The following DAB1 variants were observed in gnomAD, a reference collection of about 807,000 sequenced individuals.
The protein encoded by DAB1 is DAB adaptor protein 1.
DAB1 carries 15 observed loss-of-function variants against 64.6 expected under a neutral mutation model. The observed-to-expected ratio is 0.23, with a 90% CI of 0.16 to 0.36. The LOEUF (loss-of-function observed/expected upper bound fraction) is 0.36. Ranked by LOEUF, DAB1 falls within the 10% of genes least tolerant of loss-of-function variation. The pLI, the probability that DAB1 is intolerant of heterozygous loss-of-function variation, is 1.00. For synonymous variants in DAB1, 235 were observed against 251.9 expected (o/e 0.93, Z 0.64); for missense variants, 596 against 706.7 (o/e 0.84, Z 1.78).
At chr1:57,021,240 G>A (rs990313807) in intron 11 of DAB1, among the ~76,000 whole-genome samples, 6 of 152,202 alleles carry the variant, frequency 3.9e-5, no homozygotes, top group African/African-American at 1.4e-4. Flanking sequence ...ATATGTGGAA[G>A]TGGCTTGTCC....
chr1:57,577,504 A>G (rs1461181485), intron 7 of DAB1, among the ~76,000 whole-genome samples: 1 of 152,182 alleles, frequency 6.6e-6, no homozygotes, highest in East Asian at 1.9e-4. Flanking sequence ...AACACTAAAA[A>G]TTCATTTTAT....
Position 57,782,994 on chromosome 1 carries a change from C to CCTCT in DAB1, n.551+101004_551+101005insAGAG, listed in dbSNP as rs1165451893. ...TCTTTCCTCCCTCCCTCCCTCCCTC[C>CCTCT]CTCCTTCCTTCCTTCCTTCCTCTTC... On this transcript the variant is annotated intron_variant and non_coding_transcript_variant, in intron 6 of 20. Transcript: ENST00000485760. 2.1e-5 allele frequency among the ~76,000 whole-genome samples: 3 copies of CCTCT among 145,704 alleles called. No homozygotes were observed. In the Admixed American group the frequency reaches 2.1e-4, roughly 10 times the overall value.
chr1:57,392,470 GTCATGCAC>G (rs1682462901), intron 1 of DAB1, among the ~76,000 whole-genome samples: 1 of 152,202 alleles, frequency 6.6e-6, no homozygotes, highest in African/African-American at 2.4e-5. Flanking sequence ...TGGTTGAGCA[GTCATGCAC>G]TGTGCTAGGT....
At chr1:57,044,682 C>T (rs550000420) in intron 9 of DAB1, among the ~76,000 whole-genome samples, 18 of 152,114 alleles carry the variant, frequency 1.2e-4, no homozygotes, top group Middle Eastern at 3.2e-3. Context: ...TATGAAAAAC[C>T]TTTTTAATTA....
At chr1:57,111,367 T>C (rs538611862) in intron 4 of DAB1, among the ~76,000 whole-genome samples, 1 of 152,182 alleles carries the variant, frequency 6.6e-6, no homozygotes, top group African/African-American at 2.4e-5. Flanking sequence ...GTTCAGACAC[T>C]GTTTTCAGAT....
At chr1:57,516,038 T>C (rs746306928) in intron 7 of DAB1, among the ~76,000 whole-genome samples, 37 of 152,326 alleles carry the variant, frequency 2.4e-4, no homozygotes, top group East Asian at 3.9e-4. Flanking sequence ...GTGTATAGAC[T>C]CTTTCTTCCT....
intron 7 of DAB1, among the ~76,000 whole-genome samples, chr1:57,450,254 A>T (rs1199662929): frequency 6.6e-6 from 1 of 152,224 alleles, no homozygotes; most frequent in African/African-American, 2.4e-5. Context: ...TTATTTTACG[A>T]ATAGAATTCT....
chr1:58,449,268 G>T (rs1255933184), intron 3 of DAB1, among the ~76,000 whole-genome samples: 3 of 152,144 alleles, frequency 2.0e-5, no homozygotes, highest in Admixed American at 6.5e-5. Flanking sequence ...TCAGGACTTG[G>T]GTCCTCTTGG....
chr1:58,031,633 T>A (rs991922236), intron 5 of DAB1, among the ~76,000 whole-genome samples: 1 of 152,212 alleles, frequency 6.6e-6, no homozygotes, highest in Non-Finnish European at 1.5e-5. Flanking sequence ...CACCAGCCCC[T>A]GTATCCCTTC....
chr1:58,336,743 T>C (rs1430566577), intron 4 of DAB1, among the ~76,000 whole-genome samples: 1 of 152,204 alleles, frequency 6.6e-6, no homozygotes, highest in Non-Finnish European at 1.5e-5. Context: ...ATTTATTACA[T>C]GTTTGCTAAT....
intron 6 of DAB1, among the ~76,000 whole-genome samples, chr1:57,812,691 T>C (rs1367351344): frequency 1.3e-5 from 2 of 152,240 alleles, no homozygotes; most frequent in African/African-American, 4.8e-5. Flanking sequence ...GTAAATGGCA[T>C]TGTTAAATGC....
intron 3 of DAB1, among the ~76,000 whole-genome samples, chr1:57,139,325 A>T (rs1461806615): frequency 6.6e-6 from 1 of 152,150 alleles, no homozygotes; most frequent in East Asian, 1.9e-4. Flanking sequence ...ACTTTGGAGG[A>T]TGCAGTAACA....
chr1:57,948,082 C>G (rs1645210422), intron 5 of DAB1, among the ~76,000 whole-genome samples: 1 of 152,170 alleles, frequency 6.6e-6, no homozygotes, highest in South Asian at 2.1e-4. Flanking sequence ...TGCCTCTCAC[C>G]TGCTTCACTA....
intron 1 of DAB1, chr1:57,306,845 G>A (rs758135949): frequency 5.9e-5 from 9 of 152,268 alleles, no homozygotes; most frequent in Non-Finnish European, 1.2e-4. Flanking sequence ...GATATTATGT[G>A]AGTGCAATCT....
chr1:58,121,347 C>T (rs1459391625), intron 5 of DAB1, among the ~76,000 whole-genome samples: 2 of 152,076 alleles, frequency 1.3e-5, no homozygotes, highest in African/African-American at 4.8e-5. Context: ...ACCTCATTTC[C>T]TACCTCCTTC....
intron 4 of DAB1, among the ~76,000 whole-genome samples, chr1:58,300,731 G>C (rs1662151087): frequency 6.6e-6 from 1 of 150,826 alleles, no homozygotes; most frequent in African/African-American, 2.5e-5. Context: ...AACTGGCAAG[G>C]AGAGAAAGCA....
chr1:58,452,082 G>A (rs72669865), intron 3 of DAB1, among the ~76,000 whole-genome samples: 1 of 151,948 alleles, frequency 6.6e-6, no homozygotes, highest in Non-Finnish European at 1.5e-5. Flanking sequence ...ACAGGTGCGA[G>A]CCAACACGTC....
chr1:58,160,696 C>T (rs1181052979), intron 4 of DAB1, among the ~76,000 whole-genome samples: 1 of 152,162 alleles, frequency 6.6e-6, no homozygotes, highest in Non-Finnish European at 1.5e-5. Context: ...AGTTGTATCA[C>T]TTTGTTATAA....
chr1:57,048,558 C>G (rs917162313), intron 9 of DAB1, among the ~76,000 whole-genome samples: 3 of 152,234 alleles, frequency 2.0e-5, no homozygotes, highest in African/African-American at 7.2e-5. Context: ...GTCCTCTTCA[C>G]TTCTCCTACC....
Sources: gnomAD v4.1 joint callset for allele counts (sites outside exome capture counted in the v4.1 genomes callset) on GRCh38, gnomAD v4.1.1 for gene constraint, MANE v1.5 for transcripts, NCBI Gene and HGNC (gene_info 2026-07-23, HGNC 2026-07-21) for gene names.